PFKFB1: variants seen among roughly 807,000 people sequenced by gnomAD.
The protein encoded by PFKFB1 is 6-phosphofructo-2-kinase/fructose-2,6-bisphosphatase 1.
PFKFB1 carries 34 observed loss-of-function variants against 46.4 expected under a neutral mutation model. The observed-to-expected ratio is 0.73, with a 90% CI of 0.56 to 0.98. The LOEUF is 0.98. PFKFB1 is among the 50% of genes least tolerant of loss of function. The pLI is 0.00. For missense variants in PFKFB1, 393 were observed against 376.3 expected, an observed-to-expected ratio of 1.04 and a Z score of -0.37; for synonymous variants, 119 against 133.8, an observed-to-expected ratio of 0.89 and a Z score of 0.76.
intron 7 of PFKFB1, among the ~76,000 whole-genome samples, chrX:54,953,452 C>T (rs1375989484): frequency 3.6e-5 from 4 of 111,467 alleles, no homozygotes; most frequent in Admixed American, 9.5e-5. Context: ...AACTTTTAAG[C>T]GCATGAATCC....
chrX:54,962,492 C>T (rs1315977078), intron 2 of PFKFB1, among the ~76,000 whole-genome samples: 1 of 112,127 alleles, frequency 8.9e-6, no homozygotes, highest in Non-Finnish European at 1.9e-5. Context: ...ATCCCCACTG[C>T]CTAGCAGGAG....
At chrX:54,992,926 C>T (rs1369637096) in intron 1 of PFKFB1, among the ~76,000 whole-genome samples, 4 of 111,562 alleles carry the variant, frequency 3.6e-5, no homozygotes, top group Non-Finnish European at 7.5e-5. Flanking sequence ...CACACCCTAC[C>T]TCCTGTATAT....
rs780630065 is a variant in PFKFB1 at position 54,958,364 on chromosome X, T to C, written c.460-2A>G. Reference sequence around the variant, plus strand: ...ACAAATGGACTCAATGAAAAACACCTATAAAAGAAACAGAAAAGAGATTTC... The same window carrying C: ...ACAAATGGACTCAATGAAAAACACCCATAAAAGAAACAGAAAAGAGATTTC... On this transcript the variant is annotated splice_acceptor_variant, in intron 5 of 13. Transcript: ENST00000375006. LOFTEE classifies it high-confidence loss of function. 31 of 1,136,917 alleles carry C rather than the reference T, an allele frequency of 2.7e-5. No individual in the cohort carries two copies. In the Admixed American group the frequency reaches 6.2e-4, roughly 23 times the overall value. 93.7% of individuals were successfully genotyped at this position (1,136,917 alleles called of 1,213,427 possible). A position where few individuals can be genotyped will look rare whatever the true frequency, so the allele number is the denominator to read the frequency against.
chrX:54,998,187 G>A (rs894626754), upstream of PFKFB1, among the ~76,000 whole-genome samples: 1 of 112,383 alleles, frequency 8.9e-6, no homozygotes, highest in Non-Finnish European at 1.9e-5. Flanking sequence ...CTAGTGAATT[G>A]CCCTGGGGGC....
intron 11 of PFKFB1, among the ~76,000 whole-genome samples, chrX:54,935,598 C>A (rs980217091): frequency 1.8e-5 from 2 of 112,422 alleles, no homozygotes; most frequent in Non-Finnish European, 3.8e-5. Context: ...ATTTCTCAGG[C>A]AAGCCCAAGA....
intron 11 of PFKFB1, among the ~76,000 whole-genome samples, chrX:54,937,009 C>T (rs1933423575): frequency 9.1e-6 from 1 of 109,760 alleles, no homozygotes; most frequent in Non-Finnish European, 1.9e-5. Flanking sequence ...GTTTGCAGTT[C>T]AGCCTATGCA....
chrX:54,969,316 G>A (rs1338884027), intron 1 of PFKFB1, among the ~76,000 whole-genome samples: 1 of 111,480 alleles, frequency 9.0e-6, no homozygotes, highest in Non-Finnish European at 1.9e-5. Flanking sequence ...CTGATAAAAG[G>A]ATAAGTTTGG....
At chrX:54,935,643 CAACT>C (rs1401756618) in intron 11 of PFKFB1, among the ~76,000 whole-genome samples, 1 of 112,269 alleles carries the variant, frequency 8.9e-6, no homozygotes, top group East Asian at 2.8e-4. Flanking sequence ...TGGTCTCAGC[CAACT>C]GAGGCCTTGA....
At chrX:54,994,995 G>A (rs747745409), upstream of PFKFB1, 27 of 255,809 alleles carry the variant, frequency 1.1e-4, no homozygotes, top group Non-Finnish European at 1.5e-4. Flanking sequence ...AGTTCCTCAT[G>A]CCAAGCTATT....
chrX:54,943,885 G>A (rs1933728813), intron 10 of PFKFB1, among the ~76,000 whole-genome samples: 1 of 112,175 alleles, frequency 8.9e-6, no homozygotes, highest in Admixed American at 9.4e-5. Flanking sequence ...TAGTAAGCAT[G>A]TGGTTAAATC....
At chrX:54,998,482 C>G (rs1032118440), upstream of PFKFB1, 7 of 1,083,306 alleles carry the variant, frequency 6.5e-6, no homozygotes, top group South Asian at 1.4e-4. Flanking sequence ...ACCCCCAAGG[C>G]AGGTCCAGTG....
rs1162853831 is a variant in PFKFB1 at position 54,933,179 on chromosome X, T to C, written c.*224A>G. On this transcript the variant is annotated 3_prime_UTR_variant, in exon 14 of 14. Transcript: ENST00000375006. ...TCTCCTCTTGTAGGCAGTAAGTCTT[T>C]ATTCGTCAGAGAATAGGAATTAAGA... 1 of 423,037 alleles carries C rather than the reference T, an allele frequency of 2.4e-6. No homozygotes were observed. Among genetic ancestry groups the C allele is most frequent in the East Asian group, 3.9e-5 (1 of 25,697 alleles). 34.9% of individuals were successfully genotyped at this position (423,037 alleles called of 1,213,427 possible).
At chrX:54,971,531 G>C (rs1934657302) in intron 1 of PFKFB1, among the ~76,000 whole-genome samples, 1 of 111,759 alleles carries the variant, frequency 8.9e-6, no homozygotes, top group Non-Finnish European at 1.9e-5. Flanking sequence ...GTAAGGAAGG[G>C]ATCCAGTTTC....
At chrX:54,961,156 T>C (rs1313399843) in intron 2 of PFKFB1, among the ~76,000 whole-genome samples, 1 of 111,208 alleles carries the variant, frequency 9.0e-6, no homozygotes, top group Non-Finnish European at 1.9e-5. Flanking sequence ...GGAAATAACT[T>C]ACACAGTGTA....
chrX:54,942,364 C>T (rs1453849382), intron 10 of PFKFB1, among the ~76,000 whole-genome samples: 2 of 111,468 alleles, frequency 1.8e-5, no homozygotes, highest in African/African-American at 3.3e-5. Context: ...GCACATTGTG[C>T]ACATGTACCC....
chrX:54,976,749 C>T (rs1306094208), intron 1 of PFKFB1, among the ~76,000 whole-genome samples: 1 of 111,453 alleles, frequency 9.0e-6, no homozygotes, highest in Non-Finnish European at 1.9e-5. Flanking sequence ...AGATGCTCTT[C>T]AGTTGGTGAA....
upstream of PFKFB1, chrX:54,998,609 C>A: frequency 2.3e-6 from 1 of 432,827 alleles, no homozygotes; most frequent in Non-Finnish European, 4.0e-6. Context: ...GTTGTAGTTG[C>A]CAAAGACGTT....
chrX:54,961,400 T>C (rs907752285), intron 2 of PFKFB1, among the ~76,000 whole-genome samples: 4 of 111,474 alleles, frequency 3.6e-5, no homozygotes, highest in African/African-American at 1.3e-4. Flanking sequence ...TCCAAAGTTA[T>C]TTTATTTTTC....
At chrX:54,993,765 A>C in intron 1 of PFKFB1, 146 bp downstream of exon 1, 1 of 814,395 alleles carries the variant, frequency 1.2e-6, no homozygotes, top group Middle Eastern at 3.1e-4. Flanking sequence ...CGTTTTTGAC[A>C]CTAGCCTCTA....
Sources: allele counts gnomAD v4.1 joint callset (sites outside exome capture counted in the v4.1 genomes callset), GRCh38; gene constraint gnomAD v4.1.1; transcripts MANE v1.5; gene names NCBI Gene and HGNC (gene_info 2026-07-23, HGNC 2026-07-21).